Variants in NCF4 observed in about 807,000 individuals in gnomAD.
NCF4 encodes the protein neutrophil cytosol factor 4.
Under a neutral mutation model 41.7 loss-of-function variants are expected in NCF4, and 30 were observed. That is an observed-to-expected ratio of 0.72 (90% confidence interval 0.54 to 0.97). The LOEUF is 0.97. NCF4 is among the 50% of genes least tolerant of loss of function. The pLI is 0.00. For synonymous variants in NCF4, 195 were observed against 175.8 expected (o/e 1.11, Z -0.87); for missense variants, 432 against 460.9 (o/e 0.94, Z 0.57).
intron 9 of NCF4, among the ~76,000 whole-genome samples, chr22:36,876,561 T>C (rs1273446151): frequency 6.6e-6 from 1 of 152,200 alleles, no homozygotes; most frequent in African/African-American, 2.4e-5. Context: ...AATCACCTCA[T>C]ATTTTTACTC....
At chr22:36,874,401 G>T (rs4821551) in intron 7 of NCF4, among the ~76,000 whole-genome samples, 18,025 of 152,214 alleles carry the variant, frequency 0.12, 1,406 homozygotes, top group African/African-American at 0.22. Context: ...AGTTGGGTTG[G>T]GTCCCTAGCG....
chr22:36,863,484 C>A, intron 1 of NCF4, among the ~76,000 whole-genome samples: 1 of 143,268 alleles, frequency 7.0e-6, no homozygotes, highest in Admixed American at 7.1e-5. Flanking sequence ...AACTCGAGGT[C>A]CCTCTGCGAG....
chr22:36,864,807 C>A, intron 2 of NCF4, 112 bp from the exon 3 acceptor site: 1 of 1,342,526 alleles, frequency 7.4e-7, no homozygotes, highest in Non-Finnish European at 1.0e-6. Flanking sequence ...GACCCTTCTG[C>A]ATCCTTATCC....
rs372253348 is a variant in NCF4, at chr22:36,861,779, G to T, written c.32+576G>T. ...CCCCATGAGAAGCAAGCTCCACGAG[G>T]CTGTGTCCGTTTTGATCGCTGCTGT... On this transcript the variant is annotated intron_variant, in intron 1 of 9. Coordinates refer to ENST00000248899, the MANE Select transcript of NCF4 (RefSeq NM_000631.5). Among the ~76,000 whole-genome samples, 150 of 152,302 alleles carry T rather than the reference G, an allele frequency of 9.8e-4. 4 individuals carry two copies. In the South Asian group the frequency reaches 0.029, roughly 29 times the overall value.
rs997946447 is a variant in NCF4 at position 36,872,420 on chromosome 22, C to T, written c.622C>T (p.Leu208=). Reference sequence around the variant, plus strand: ...CCTCAGTCGGATCAACAAAGACTGGCTGGAGGTGAGTTCAGAAGTGAGGAT... The same window carrying T: ...CCTCAGTCGGATCAACAAAGACTGGTTGGAGGTGAGTTCAGAAGTGAGGAT... ...FLLSRINKDW[L]EGTVRGATGI... Residue 208 remains leucine, a synonymous_variant, in exon 7 of 10, where the codon CTG becomes TTG. Transcript: ENST00000248899. 6.2e-7 allele frequency: 1 copy of T among 1,604,586 alleles called. No homozygotes were observed. Among genetic ancestry groups the T allele is most frequent in the Non-Finnish European group, 8.5e-7 (1 of 1,171,512 alleles).
chr22:36,871,789 C>A (rs924301869), intron 6 of NCF4, 80 bp downstream of exon 6: 8 of 1,443,458 alleles, frequency 5.5e-6, no homozygotes, highest in Middle Eastern at 1.9e-4. Context: ...CTGGGCCTCT[C>A]CTGCTGGGTG....
In NCF4 at chr22:36,873,591, A is replaced by T. The variant is rs5756375; in HGVS notation, c.627+1166A>T. Among the ~76,000 whole-genome samples the T allele has an allele frequency of 5.8e-4, 89 of 152,282 alleles. 1 individual carries two copies. In the East Asian group the frequency reaches 0.016, roughly 27 times the overall value. On this transcript the variant is annotated intron_variant, in intron 7 of 9. Coordinates refer to ENST00000248899, the MANE Select transcript of NCF4 (RefSeq NM_000631.5). ...GGCAGGTGTTCGGTGGCAGCAGAACATTCTTGGAGCTCATGCTTTGGTTCT... is the reference window on the plus strand; with the variant it reads ...GGCAGGTGTTCGGTGGCAGCAGAACTTTCTTGGAGCTCATGCTTTGGTTCT...
At chr22:36,871,773 C>A in intron 6 of NCF4, 64 bp downstream of exon 6, 1 of 1,504,898 alleles carries the variant, frequency 6.6e-7, no homozygotes. Flanking sequence ...GCCCACCTGC[C>A]AGCCACTGGG....
Position 36,865,023 on chromosome 22 carries a change from G to T in NCF4, c.222G>T (p.Gly74=), listed in dbSNP as rs377510654. 4 of 1,613,640 alleles carry T rather than the reference G, an allele frequency of 2.5e-6. No individual in the cohort carries two copies. The highest frequency in any genetic ancestry group is 3.4e-6 in the Non-Finnish European group (4 of 1,180,020). The change falls in exon 3 of 10, where the codon GGG becomes GGT. Residue 74 remains glycine (G), a synonymous_variant. Transcript: ENST00000248899. This position sits in a 1 kb window ranked among gnomAD's most constrained non-coding sequence, Gnocchi z 4.3. ...AGAGCAAGCTGGAGGAGCGCTTCGG[G>T]CCAGACAGCAAGAGCAGTGCCCTGG... is the stretch of plus-strand genomic sequence containing the variant. The part of the protein sequence containing the change: ...ALQSKLEERF[G]PDSKSSALAC...
chr22:36,867,450 C>T lies in NCF4; in HGVS notation c.330C>T (p.Asn110=), dbSNP rs373828331. 1.6e-5 allele frequency: 26 copies of T among 1,614,066 alleles called. No homozygotes were observed. Among genetic ancestry groups the T allele is most frequent in the Middle Eastern group, 1.6e-4 (1 of 6,084 alleles). The change falls in exon 4 of 10, where the codon AAC becomes AAT. Residue 110 remains asparagine, a synonymous_variant. Coordinates refer to ENST00000248899, the MANE Select transcript of NCF4 (RefSeq NM_000631.5). Reference sequence around the variant, plus strand: ...CCGAGATGCGGATACCTGCCCTCAACGCCTACATGAAGGTACCAGTGGGCC... The same window carrying T: ...CCGAGATGCGGATACCTGCCCTCAATGCCTACATGAAGGTACCAGTGGGCC... ...EIAEMRIPAL[N]AYMKSLLSLP...
In NCF4 at chr22:36,871,722, C is replaced by A; in HGVS notation, c.528+13C>A. On this transcript the variant is annotated intron_variant, in intron 6 of 9. Transcript: ENST00000248899. Reference sequence around the variant, plus strand: ...TCCGAGAGCAGAGGTAACCCCCGCCCCCACGCTGGCCAGGCTCTCACACTG... The same window carrying A: ...TCCGAGAGCAGAGGTAACCCCCGCCACCACGCTGGCCAGGCTCTCACACTG... 2 of 1,555,758 alleles carry A rather than the reference C, an allele frequency of 1.3e-6. No individual in the cohort carries two copies. The highest frequency in any genetic ancestry group is 4.8e-5 in the East Asian group (2 of 41,414).
chr22:36,866,431 C>T (rs1939928173), intron 3 of NCF4, among the ~76,000 whole-genome samples: 1 of 152,196 alleles, frequency 6.6e-6, no homozygotes, highest in African/African-American at 2.4e-5. Context: ...CCTTCAGCTT[C>T]TCTGTTACAG....
chr22:36,877,898 A>G lies in NCF4; in HGVS notation c.*75A>G, dbSNP rs1940229308. On this transcript the variant is annotated 3_prime_UTR_variant, in exon 10 of 10. Coordinates refer to ENST00000248899, the MANE Select transcript of NCF4 (RefSeq NM_000631.5). ...CTCTCAGAGGAGATTGGGACCAGGA[A>G]AACCTGGGAGGATGGGCAGACTTCC... The G allele has an allele frequency of 6.8e-7, 1 of 1,460,404 alleles. No homozygotes were observed. Among genetic ancestry groups the G allele is most frequent in the Non-Finnish European group, 9.4e-7 (1 of 1,067,700 alleles). 90.5% of individuals were successfully genotyped at this position (1,460,404 alleles called of 1,614,324 possible). A position where few individuals can be genotyped will look rare whatever the true frequency, so the allele number is the denominator to read the frequency against.
intron 7 of NCF4, among the ~76,000 whole-genome samples, chr22:36,874,774 G>A (rs1940155600): frequency 6.6e-6 from 1 of 152,210 alleles, no homozygotes; most frequent in Non-Finnish European, 1.5e-5. Flanking sequence ...GGCCATGGCC[G>A]GGTCTGGGTC....
chr22:36,872,514 A>T, intron 7 of NCF4, 89 bp downstream of exon 7: 3 of 1,012,692 alleles, frequency 3.0e-6, no homozygotes, highest in East Asian at 2.7e-5. Flanking sequence ...TGGAAGTGCA[A>T]TTGGAGGTGA....
At chr22:36,869,708 G>A (rs1940007775) in intron 4 of NCF4, among the ~76,000 whole-genome samples, 1 of 152,112 alleles carries the variant, frequency 6.6e-6, no homozygotes, top group African/African-American at 2.4e-5. Flanking sequence ...TCTTTGCATC[G>A]TGGTGGGTGT....
chr22:36,870,230 T>C (rs1940020340), intron 4 of NCF4, 185 bp from the exon 5 acceptor site: 2 of 822,910 alleles, frequency 2.4e-6, no homozygotes, highest in Non-Finnish European at 2.0e-6. Context: ...GCAGAGCTTG[T>C]GAAGTGTTAC....
Position 36,877,673 on chromosome 22 carries a change from T to C in NCF4, c.870T>C (p.Ala290=), listed in dbSNP as rs2145730136. 1 of 1,614,184 alleles carries C rather than the reference T, an allele frequency of 6.2e-7. No homozygotes were observed. The highest frequency in any genetic ancestry group is 8.5e-7 in the Non-Finnish European group (1 of 1,180,028). The change falls in exon 10 of 10, where the codon GCT becomes GCC. Residue 290 remains alanine (A), a synonymous_variant. Transcript: ENST00000248899. ...ACATAGCTCTGAATTACCGGGACGC[T>C]GAGGGGGATCTGGTTCGGCTGCTGT... is the stretch of plus-strand genomic sequence containing the variant. The part of the protein sequence containing the change: ...REDIALNYRD[A]EGDLVRLLSD...
In NCF4 at chr22:36,875,650, C is replaced by T. The variant is rs920454179; in HGVS notation, c.628-3C>T. The T allele has an allele frequency of 2.5e-6, 4 of 1,610,986 alleles. No individual in the cohort carries two copies. The African/African-American group carries it at 5.3e-5, about 22-fold the overall frequency. On this transcript the variant is annotated splice_region_variant and splice_polypyrimidine_tract_variant and intron_variant, in intron 7 of 9. Coordinates refer to ENST00000248899, the MANE Select transcript of NCF4 (RefSeq NM_000631.5). ...GCATGGCATCCCTTCTCTTCCTCTG[C>T]AGGGCACTGTCCGGGGAGCCACGGG...
Sources: gnomAD v4.1 joint callset for allele counts (sites outside exome capture counted in the v4.1 genomes callset) on GRCh38, gnomAD v4.1.1 for gene constraint, Gnocchi (gnomAD v3.1) non-coding constraint, MANE v1.5 for transcripts, NCBI Gene and HGNC (gene_info 2026-07-23, HGNC 2026-07-21) for gene names.